Variants in STK3 observed in about 807,000 individuals in gnomAD.
The protein encoded by STK3 is serine/threonine kinase 3.
A neutral mutation model predicts 58.0 loss-of-function variants in STK3; 41 were observed. The observed-to-expected ratio is 0.71, with a 90% CI of 0.55 to 0.92. The LOEUF (loss-of-function observed/expected upper bound fraction) is 0.92. STK3 is among the 40% of genes least tolerant of loss of function. The pLI, the probability that STK3 is intolerant of heterozygous loss-of-function variation, is 0.00. For synonymous variants in STK3, 170 were observed against 191.0 expected, an observed-to-expected ratio of 0.89 and a Z score of 0.91; for missense variants, 479 against 602.7, an observed-to-expected ratio of 0.79 and a Z score of 2.15.
intron 6 of STK3, among the ~76,000 whole-genome samples, chr8:98,694,995 C>T (rs1761646865): frequency 1.3e-5 from 2 of 152,204 alleles, no homozygotes; most frequent in African/African-American, 2.4e-5. Flanking sequence ...TATTTCTCCA[C>T]ATCCTCTCCA....
chr8:98,868,704 G>T (rs3019289), intron 3 of STK3, among the ~76,000 whole-genome samples: 1 of 151,804 alleles, frequency 6.6e-6, no homozygotes, highest in Non-Finnish European at 1.5e-5. Context: ...GCAGTGGCTC[G>T]TGCCTGTAAA....
chr8:98,489,783 C>A (rs181734731), intron 10 of STK3, among the ~76,000 whole-genome samples: 28 of 152,120 alleles, frequency 1.8e-4, no homozygotes, highest in African/African-American at 6.7e-4. Flanking sequence ...ATTATTGTGG[C>A]TTTAGAAAAA....
chr8:98,626,719 A>C (rs1172014235), intron 6 of STK3, among the ~76,000 whole-genome samples: 2 of 152,230 alleles, frequency 1.3e-5, no homozygotes, highest in Non-Finnish European at 2.9e-5. Context: ...GTATTCTTTC[A>C]AACAGCCTCT....
intron 7 of STK3, among the ~76,000 whole-genome samples, chr8:98,592,148 G>T (rs542591260): frequency 6.6e-6 from 1 of 152,096 alleles, no homozygotes; most frequent in Non-Finnish European, 1.5e-5. Context: ...GTTTACATAT[G>T]TAAGTAAGGT....
intron 2 of STK3, 53 bp downstream of exon 2, chr8:98,774,685 AT>A: frequency 8.0e-7 from 1 of 1,254,782 alleles, no homozygotes; most frequent in South Asian, 1.5e-5. Context: ...ATCATATAAT[AT>A]TTTTTAAATT....
At chr8:98,509,323 C>T (rs1824327677) in intron 10 of STK3, among the ~76,000 whole-genome samples, 1 of 151,858 alleles carries the variant, frequency 6.6e-6, no homozygotes, top group Non-Finnish European at 1.5e-5. Context: ...AATTTATGCT[C>T]ATAATTATAA....
chr8:98,761,126 C>CT (rs71572022), intron 3 of STK3, among the ~76,000 whole-genome samples: 2,979 of 140,438 alleles, frequency 0.021, 59 homozygotes, highest in African/African-American at 0.052. Flanking sequence ...GTGACTTTTT[C>CT]TTTTTTTTTT....
intron 7 of STK3, chr8:98,595,197 G>C (rs1401695703): frequency 6.6e-6 from 1 of 151,754 alleles, no homozygotes; most frequent in Non-Finnish European, 1.5e-5. Flanking sequence ...TGAGTACCAA[G>C]TTACACTTTC....
intron 6 of STK3, among the ~76,000 whole-genome samples, chr8:98,628,959 G>C (rs1818964683): frequency 6.6e-6 from 1 of 152,154 alleles, no homozygotes; most frequent in African/African-American, 2.4e-5. Context: ...TCTATATAGG[G>C]GGATGTTGAG....
At chr8:98,689,006 C>T (rs1293128046) in intron 6 of STK3, among the ~76,000 whole-genome samples, 2 of 152,108 alleles carry the variant, frequency 1.3e-5, no homozygotes, top group East Asian at 3.9e-4. Context: ...AACTGACAGA[C>T]TGCTAGCTAG....
At position 98,804,458 on chromosome 8, in the gene STK3, C is replaced by G. The variant is rs559022287; in HGVS notation, c.26+21057G>C. ...AGAATCAAACCAAATAAACCCTGTC[C>G]CAGATACAATATAGTGTCTCTCATT... On this transcript the variant is annotated intron_variant, in intron 1 of 10. Coordinates refer to ENST00000419617, the MANE Select transcript of STK3 (RefSeq NM_006281.4). 2.6e-5 allele frequency among the ~76,000 whole-genome samples: 4 copies of G among 152,264 alleles called. No homozygotes were observed. The South Asian group carries it at 6.2e-4, about 24-fold the overall frequency.
chr8:98,680,479 T>C (rs1489538103), intron 6 of STK3, among the ~76,000 whole-genome samples: 4 of 152,184 alleles, frequency 2.6e-5, no homozygotes, highest in Middle Eastern at 3.2e-3. Flanking sequence ...ATGATGGCTA[T>C]AAGAACACAC....
Position 98,428,631 on chromosome 8 carries a change from C to T in STK3, n.483+5496G>A. On this transcript the variant is annotated intron_variant and non_coding_transcript_variant, in intron 3 of 3. Coordinates refer to the STK3 transcript ENST00000517832. The surrounding 1 kb of genome is among the most constrained non-coding windows in gnomAD (Gnocchi z 6.7). The stretch of plus-strand genomic sequence containing the variant: ...GCCCGATTTCCAAATCCCTGACAGC[C>T]AGGGCAACCCTGGCGAGGACCCTAG... 2 of 1,614,198 alleles carry T rather than the reference C, an allele frequency of 1.2e-6. No homozygotes were observed. Among genetic ancestry groups the T allele is most frequent in the Non-Finnish European group, 1.7e-6 (2 of 1,180,036 alleles).
chr8:98,682,507 T>TA (rs1823711171), intron 6 of STK3, among the ~76,000 whole-genome samples: 1 of 152,178 alleles, frequency 6.6e-6, no homozygotes, highest in East Asian at 1.9e-4. Flanking sequence ...ATTTATTTCT[T>TA]ACCTTGCATT....
intron 6 of STK3, among the ~76,000 whole-genome samples, chr8:98,654,013 T>G (rs1431441270): frequency 1.3e-5 from 2 of 152,128 alleles, no homozygotes; most frequent in African/African-American, 4.8e-5. Context: ...TACCAAAGCC[T>G]GACAGAGACA....
At chr8:98,368,583 G>A (rs1241651726), downstream of STK3, among the ~76,000 whole-genome samples, 1 of 152,214 alleles carries the variant, frequency 6.6e-6, no homozygotes, top group Admixed American at 6.5e-5. Context: ...CATGTCCAGG[G>A]TTAGGTTAGG....
chr8:98,500,340 T>G (rs1006335719), intron 10 of STK3, among the ~76,000 whole-genome samples: 13 of 152,194 alleles, frequency 8.5e-5, no homozygotes, highest in Non-Finnish European at 1.8e-4. Flanking sequence ...GAGACCAGCC[T>G]GGCCAACTTG....
intron 1 of STK3, among the ~76,000 whole-genome samples, chr8:98,902,750 A>G (rs572479371): frequency 3.3e-5 from 5 of 152,380 alleles, no homozygotes; most frequent in African/African-American, 1.2e-4. Flanking sequence ...ATGGCTTCCC[A>G]TTGCACTTAA....
chr8:98,897,307 T>C (rs1378530137), intron 1 of STK3, among the ~76,000 whole-genome samples: 2 of 152,058 alleles, frequency 1.3e-5, no homozygotes, highest in Non-Finnish European at 2.9e-5. Context: ...CCTGTAATCC[T>C]AGCACTTTGG....
Sources: gnomAD v4.1 joint callset for allele counts (sites outside exome capture counted in the v4.1 genomes callset) on GRCh38, gnomAD v4.1.1 for gene constraint, Gnocchi (gnomAD v3.1) non-coding constraint, MANE v1.5 for transcripts, NCBI Gene and HGNC (gene_info 2026-07-23, HGNC 2026-07-21) for gene names.